Variants in ARHGEF18 observed in about 807,000 individuals in gnomAD.
The protein encoded by ARHGEF18 is rho guanine nucleotide exchange factor 18.
ARHGEF18 carries 93 observed loss-of-function variants against 155.7 expected under a neutral mutation model. That is an observed-to-expected ratio of 0.60 (90% confidence interval 0.50 to 0.71). The LOEUF (loss-of-function observed/expected upper bound fraction) is 0.71. Ranked by LOEUF, ARHGEF18 falls within the 30% of genes least tolerant of loss-of-function variation. ARHGEF18 has a pLI of 0.00. For missense variants in ARHGEF18, 1,593 were observed against 1,816.1 expected (o/e 0.88, Z 2.23); for synonymous variants, 742 against 753.1 (o/e 0.99, Z 0.24).
chr19:7,442,631 A>G (rs6603077), intron 13 of ARHGEF18, among the ~76,000 whole-genome samples: 152,365 of 152,370 alleles, frequency 1, 76,180 homozygotes, highest in Non-Finnish European at 1. Context: ...CGTCCCTGTG[A>G]ACATGTCTGG....
At chr19:7,437,480 T>A (rs1216759816) in intron 10 of ARHGEF18, among the ~76,000 whole-genome samples, 1 of 151,192 alleles carries the variant, frequency 6.6e-6, no homozygotes, top group Admixed American at 6.6e-5. Flanking sequence ...GGAGAGCTGC[T>A]GCGAGTACGT....
intron 2 of ARHGEF18, among the ~76,000 whole-genome samples, chr19:7,367,885 T>TTTATATATA (rs1224176621): frequency 6.2e-5 from 1 of 16,088 alleles, no homozygotes; most frequent in African/African-American, 4.8e-4. Flanking sequence ...TATATATATT[T>TTTATATATA]TATATATATT....
chr19:7,467,231 G>A lies in ARHGEF18; in HGVS notation c.3027G>A (p.Gln1009=). The A allele has an allele frequency of 6.3e-7, 1 of 1,588,574 alleles. No homozygotes were observed. The highest frequency in any genetic ancestry group is 8.6e-7 in the Non-Finnish European group (1 of 1,166,052). The change falls in exon 26 of 29, where the codon CAG becomes CAA. Residue 1009 remains glutamine, a synonymous_variant. Transcript: ENST00000668164. The part of the protein sequence containing the change: ...LLNLQAVIAH[Q]DSYVETQRAA... ...CTCCGCAGGCGGTAATCGCCCACCA[G>A]GACAGCTATGTGGAGACGCAGCGGG... is the stretch of plus-strand genomic sequence containing the variant.
chr19:7,368,458 A>C (rs1383849377), intron 2 of ARHGEF18, among the ~76,000 whole-genome samples: 7 of 152,134 alleles, frequency 4.6e-5, no homozygotes, highest in Admixed American at 4.6e-4. Flanking sequence ...AAGATATGTC[A>C]GAACAAAGGT....
At chr19:7,476,669 C>T (rs1048657875), downstream of ARHGEF18, among the ~76,000 whole-genome samples, 1 of 152,232 alleles carries the variant, frequency 6.6e-6, no homozygotes, top group Non-Finnish European at 1.5e-5. Context: ...GTGCCCAGGA[C>T]TCTGGGGAGT....
intron 16 of ARHGEF18, among the ~76,000 whole-genome samples, chr19:7,452,971 G>A (rs1384908573): frequency 2.0e-5 from 3 of 151,760 alleles, no homozygotes; most frequent in Admixed American, 2.0e-4. Context: ...TGAGGCAGGC[G>A]GATCACTTGA....
intron 10 of ARHGEF18, among the ~76,000 whole-genome samples, chr19:7,384,565 G>A (rs1383440341): frequency 6.6e-6 from 1 of 152,196 alleles, no homozygotes; most frequent in Non-Finnish European, 1.5e-5. Context: ...ATGGGGCTGG[G>A]GGTGGCTGTT....
chr19:7,477,439 G>GT (rs756549168), downstream of ARHGEF18: 30 of 1,432,390 alleles, frequency 2.1e-5, no homozygotes, highest in Admixed American at 2.7e-4. Flanking sequence ...GCAGCGGGCT[G>GT]TGGGGCAGAG....
intron 16 of ARHGEF18, among the ~76,000 whole-genome samples, chr19:7,453,017 G>A (rs1193231099): frequency 1.3e-5 from 2 of 151,846 alleles, no homozygotes; most frequent in East Asian, 2.0e-4. Context: ...CCAACATAGT[G>A]AAACCCCGTC....
chr19:7,424,453 G>A (rs1423048532), intron 10 of ARHGEF18, among the ~76,000 whole-genome samples: 2 of 152,104 alleles, frequency 1.3e-5, no homozygotes, highest in Non-Finnish European at 2.9e-5. Context: ...CCAAAATCTC[G>A]TCTCACGGAG....
intron 22 of ARHGEF18, 52 bp from the exon 23 acceptor site, chr19:7,464,508 C>A (rs1976493563): frequency 1.9e-6 from 3 of 1,560,756 alleles, no homozygotes; most frequent in Admixed American, 1.9e-5. Context: ...GGGAAGCTTC[C>A]CCCTCCCCAC....
rs36158693 is a variant in ARHGEF18 at position 7,367,830 on chromosome 19, CAT to C, written c.15+4934_15+4935del. ...TATATATATTTTATATATATATACACATATATATATTTTATATATATATATAC... is the reference window on the plus strand; with the variant it reads ...TATATATATTTTATATATATATACACATATATATTTTATATATATATATAC... On this transcript the variant is annotated intron_variant, in intron 2 of 28. Transcript: ENST00000668164. Among the ~76,000 whole-genome samples the C allele has an allele frequency of 2.7e-4, 26 of 97,184 alleles. 6 individuals carry two copies. The highest frequency in any genetic ancestry group is 4.6e-4 in the African/African-American group (9 of 19,676). 63.8% of individuals were successfully genotyped at this position (97,184 alleles called of 152,430 possible).
rs1293562893 is a variant in ARHGEF18, at chr19:7,444,114, T to C, written c.1361-90T>C. 2.6e-6 allele frequency: 4 copies of C among 1,535,350 alleles called. No homozygotes were observed. Among genetic ancestry groups the C allele is most frequent in the East Asian group, 2.3e-5 (1 of 44,100 alleles). On this transcript the variant is annotated intron_variant, in intron 13 of 28. Coordinates refer to ENST00000668164, the MANE Select transcript of ARHGEF18 (RefSeq NM_001367823.1). This position sits in a 1 kb window ranked among gnomAD's most constrained non-coding sequence, Gnocchi z 4.7. ...TAGGCAGAGAACTCTCAGAAGCCAG[T>C]TCAGCACGTGAAGGGCAGGCAGCAC...
At chr19:7,454,248 TTGG>T (rs1293277465) in intron 17 of ARHGEF18, among the ~76,000 whole-genome samples, 2 of 151,202 alleles carry the variant, frequency 1.3e-5, no homozygotes, top group Non-Finnish European at 1.5e-5. Flanking sequence ...ACAATTTGGG[TTGG>T]TGGGTGCCAT....
intron 26 of ARHGEF18, among the ~76,000 whole-genome samples, chr19:7,468,250 C>CAA (rs59156728): frequency 0.33 from 40,275 of 122,126 alleles, 7,707 homozygotes; most frequent in Non-Finnish European, 0.34. Context: ...GACCCCGTCT[C>CAA]AAAAAAAAAA....
chr19:7,453,385 A>G, intron 16 of ARHGEF18, 82 bp from the exon 17 acceptor site: 3 of 1,409,302 alleles, frequency 2.1e-6, no homozygotes, highest in Non-Finnish European at 2.9e-6. Context: ...TCATAGATCC[A>G]CATGTCCATA....
At chr19:7,439,999 CAAGG>C (rs1380493784) in intron 10 of ARHGEF18, 1 of 1,549,942 alleles carries the variant, frequency 6.5e-7, no homozygotes, top group South Asian at 1.2e-5. Flanking sequence ...GCCAATACAG[CAAGG>C]GAAGACGCAG....
At position 7,462,381 on chromosome 19, in the gene ARHGEF18, G is replaced by C. The variant is rs1976328329; in HGVS notation, c.2635+47G>C. On this transcript the variant is annotated intron_variant, in intron 21 of 28. Coordinates refer to ENST00000668164, the MANE Select transcript of ARHGEF18 (RefSeq NM_001367823.1). This position sits in a 1 kb window ranked among gnomAD's most constrained non-coding sequence, Gnocchi z 4.4. ...CAAGGGTGCAGTCTTGCCGGGGTGGGCTCCTCAGGGAACCCCAGGCCAGGC... is the reference window on the plus strand; with the variant it reads ...CAAGGGTGCAGTCTTGCCGGGGTGGCCTCCTCAGGGAACCCCAGGCCAGGC... 1 of 1,517,806 alleles carries C rather than the reference G, an allele frequency of 6.6e-7. No homozygotes were observed. Among genetic ancestry groups the C allele is most frequent in the African/African-American group, 1.4e-5 (1 of 71,802 alleles). The allele number at this position is 1,517,806 out of a possible 1,614,324, so 94.0% of individuals were successfully genotyped here.
chr19:7,463,966 G>A lies in ARHGEF18; in HGVS notation c.2773+11G>A, dbSNP rs7250084. 0.011 allele frequency: 16,775 copies of A among 1,570,442 alleles called. 233 individuals carry two copies. The highest frequency in any genetic ancestry group is 0.042 in the African/African-American group (3,119 of 73,866). On this transcript the variant is annotated intron_variant, in intron 22 of 28. Transcript: ENST00000668164. The surrounding 1 kb of genome is among the most constrained non-coding windows in gnomAD (Gnocchi z 5.2). ...ACAGCCCCACCAAGAGTAAGAGCGGGGCCGTCTCCCCTCCTGCCTCCAGGG... is the reference window on the plus strand; with the variant it reads ...ACAGCCCCACCAAGAGTAAGAGCGGAGCCGTCTCCCCTCCTGCCTCCAGGG...
Sources: gnomAD v4.1 joint callset for allele counts (sites outside exome capture counted in the v4.1 genomes callset) on GRCh38, gnomAD v4.1.1 for gene constraint, Gnocchi (gnomAD v3.1) non-coding constraint, MANE v1.5 for transcripts, NCBI Gene and HGNC (gene_info 2026-07-23, HGNC 2026-07-21) for gene names.